The following RECQL5 variants were observed in gnomAD, a reference collection of about 807,000 sequenced individuals.
RECQL5 encodes ATP-dependent DNA helicase Q5.
Under a neutral mutation model 103.4 loss-of-function variants are expected in RECQL5, and 88 were observed. That is an observed-to-expected ratio of 0.85 (90% confidence interval 0.72 to 1.02). The LOEUF (loss-of-function observed/expected upper bound fraction) is 1.02. Among genes scored for constraint, RECQL5 ranks in the 50% least tolerant of loss-of-function variants. The pLI is 0.00. For synonymous variants in RECQL5, 552 were observed against 507.9 expected (o/e 1.09, Z -1.17); for missense variants, 1,232 against 1,284.3 (o/e 0.96, Z 0.62).
Position 75,640,126 on chromosome 17 carries a change from C to A in RECQL5, c.1230-8458G>T. 2.1e-6 allele frequency: 3 copies of A among 1,446,286 alleles called. No individual in the cohort carries two copies. Among genetic ancestry groups the A allele is most frequent in the Admixed American group, 2.7e-5 (1 of 37,394 alleles). The allele number at this position is 1,446,286 out of a possible 1,614,324, so 89.6% of individuals were successfully genotyped here. A position where few individuals can be genotyped will look rare whatever the true frequency, so the allele number is the denominator to read the frequency against. ...TCTCGGTGCTGCGACGAGTGTGGGG[C>A]CAGCCGTGGAGGCTCCAGGTGTTCT... is the stretch of plus-strand genomic sequence containing the variant. On this transcript the variant is annotated intron_variant, in intron 8 of 19. Coordinates refer to ENST00000317905, the MANE Select transcript of RECQL5 (RefSeq NM_004259.7). The surrounding 1 kb of genome is among the most constrained non-coding windows in gnomAD (Gnocchi z 4.6).
intron 8 of RECQL5, among the ~76,000 whole-genome samples, chr17:75,646,949 T>C (rs1437255679): frequency 6.6e-6 from 1 of 152,214 alleles, no homozygotes; most frequent in African/African-American, 2.4e-5. Context: ...TCGGCTCCTA[T>C]ACGCTCTCTC....
chr17:75,657,876 T>C (rs1225068141), intron 7 of RECQL5, among the ~76,000 whole-genome samples: 2 of 151,612 alleles, frequency 1.3e-5, no homozygotes, highest in South Asian at 2.1e-4. Context: ...GGTGAAACCC[T>C]GTTTCTACTA....
intron 7 of RECQL5, chr17:75,652,485 T>C (rs751404031): frequency 6.6e-6 from 1 of 152,172 alleles, no homozygotes; most frequent in African/African-American, 2.4e-5. Context: ...GCATCCCAGA[T>C]GGGGCAGAGC....
At chr17:75,666,762 T>A (rs1239390622) in intron 1 of RECQL5, 191 bp from the exon 2 acceptor site, 2 of 582,610 alleles carry the variant, frequency 3.4e-6, no homozygotes, top group Admixed American at 6.3e-5. Context: ...TCTCCACTTT[T>A]ACGCTCAATG....
intron 6 of RECQL5, among the ~76,000 whole-genome samples, chr17:75,660,373 G>T (rs2148338251): frequency 6.6e-6 from 1 of 152,260 alleles, no homozygotes; most frequent in South Asian, 2.1e-4. Context: ...CCCGGCCAGG[G>T]ATACGTTCTG....
intron 8 of RECQL5, among the ~76,000 whole-genome samples, chr17:75,644,963 CAT>C (rs754165021): frequency 6.6e-6 from 1 of 152,200 alleles, no homozygotes; most frequent in Non-Finnish European, 1.5e-5. Context: ...TAAATGGAAA[CAT>C]ACACCTTTTC....
Position 75,628,354 on chromosome 17 carries a change from C to T in RECQL5, c.2669G>A (p.Ser890Asn). ...CGTGGGATTCAAGGTGCCCTGTTCG[C>T]TGGCCGAGACGCTGCCCTTGACCTC... Reference protein sequence around the residue: ...VAEVKGSVSASEQGTLNPTAQ... With the variant: ...VAEVKGSVSANEQGTLNPTAQ... The change falls in exon 18 of 20, where the codon AGC becomes AAC. Residue 890 changes from serine (S) to asparagine (N), a missense_variant. Ser to Asn is a conservative substitution (Grantham distance 46). Coordinates refer to ENST00000317905, the MANE Select transcript of RECQL5 (RefSeq NM_004259.7). 6.2e-7 allele frequency: 1 copy of T among 1,614,038 alleles called. No homozygotes were observed. The highest frequency in any genetic ancestry group is 1.1e-5 in the South Asian group (1 of 91,088).
At chr17:75,647,741 G>A in intron 8 of RECQL5, 1 of 638,200 alleles carries the variant, frequency 1.6e-6, no homozygotes, top group South Asian at 2.1e-5. Context: ...GGTCAGACTA[G>A]TAAGATGGGG....
chr17:75,661,554 G>T, intron 5 of RECQL5, 52 bp downstream of exon 5: 3 of 1,271,860 alleles, frequency 2.4e-6, no homozygotes, highest in Non-Finnish European at 3.4e-6. Context: ...CAAGAGACCA[G>T]CTAAGAAGCC....
At chr17:75,646,415 C>T (rs958694127) in intron 8 of RECQL5, 3 of 152,478 alleles carry the variant, frequency 2.0e-5, no homozygotes, top group Non-Finnish European at 4.4e-5. Flanking sequence ...TCGGTCCAGT[C>T]TCTTCCCCGT....
At chr17:75,627,598 T>G (rs1410816647) in intron 19 of RECQL5, 25 bp downstream of exon 19, 3 of 1,613,586 alleles carry the variant, frequency 1.9e-6, no homozygotes, top group South Asian at 1.1e-5. Flanking sequence ...AAGTGCCTCC[T>G]GGCCCTGGCA....
intron 8 of RECQL5, among the ~76,000 whole-genome samples, chr17:75,641,602 G>A (rs1053380121): frequency 5.3e-5 from 8 of 152,258 alleles, no homozygotes; most frequent in African/African-American, 1.9e-4. Context: ...TCATGCATTA[G>A]CTGCTAATGA....
rs989564795 is a variant in RECQL5, at chr17:75,627,454, C to T, written c.2944G>A (p.Asp982Asn). The T allele has an allele frequency of 2.5e-6, 4 of 1,613,682 alleles. No homozygotes were observed. In the Admixed American group the frequency reaches 6.7e-5, roughly 27 times the overall value. Residue 982 changes from aspartate (D) to asparagine (N), a missense_variant, in exon 20 of 20, where the codon GAC (aspartate) becomes AAC (asparagine). Physicochemically the swap from Asp to Asn is conservative, Grantham distance 23. Coordinates refer to ENST00000317905, the MANE Select transcript of RECQL5 (RefSeq NM_004259.7). Reference protein sequence around the residue: ...HGRARCESEADWHGLCGPQR With the variant: ...HGRARCESEANWHGLCGPQR Reference sequence around the variant, plus strand: ...TGGGGGCCACACAGGCCATGCCAGTCAGCTTCGCTCTCGCACCGGGCCCGG... The same window carrying T: ...TGGGGGCCACACAGGCCATGCCAGTTAGCTTCGCTCTCGCACCGGGCCCGG...
At chr17:75,651,335 G>A (rs564785510) in intron 7 of RECQL5, 70 bp from the exon 8 acceptor site, 6 of 1,574,852 alleles carry the variant, frequency 3.8e-6, no homozygotes, top group Admixed American at 1.7e-5. Context: ...AAAAAGTAAT[G>A]AGGAGGCCGA....
intron 3 of RECQL5, 133 bp downstream of exon 3, chr17:75,664,912 CAAAAAA>C (rs371470695): frequency 7.4e-5 from 68 of 924,012 alleles, no homozygotes; most frequent in African/African-American, 9.4e-5. Context: ...GACTCTGTCT[CAAAAAA>C]AAAAAAAAAA....
intron 8 of RECQL5, among the ~76,000 whole-genome samples, chr17:75,644,656 CAG>C (rs1213760670): frequency 1.3e-5 from 2 of 151,958 alleles, no homozygotes; most frequent in Non-Finnish European, 2.9e-5. Context: ...AAAAACTTGG[CAG>C]AGAGTATATA....
chr17:75,644,629 T>C (rs961469182), intron 8 of RECQL5, among the ~76,000 whole-genome samples: 1 of 151,984 alleles, frequency 6.6e-6, no homozygotes, highest in African/African-American at 2.4e-5. Flanking sequence ...AAGCCACGGA[T>C]ACAAGAATCT....
chr17:75,656,608 T>A (rs1599047228), intron 7 of RECQL5, among the ~76,000 whole-genome samples: 2 of 152,176 alleles, frequency 1.3e-5, no homozygotes, highest in African/African-American at 4.8e-5. Context: ...GTTTGCCAGA[T>A]TTTCTTATGA....
intron 8 of RECQL5, among the ~76,000 whole-genome samples, chr17:75,634,480 G>C (rs543393376): frequency 6.6e-6 from 1 of 152,354 alleles, no homozygotes; most frequent in East Asian, 1.9e-4. Context: ...TGCTTATTCT[G>C]CAAGTTCATT....
Sources: gnomAD v4.1 joint callset for allele counts (sites outside exome capture counted in the v4.1 genomes callset) on GRCh38, gnomAD v4.1.1 for gene constraint, Gnocchi (gnomAD v3.1) non-coding constraint, MANE v1.5 for transcripts, NCBI Gene and HGNC (gene_info 2026-07-23, HGNC 2026-07-21) for gene names.